Variants in ADAMTS14 observed in about 807,000 individuals in gnomAD.
ADAMTS14 encodes the protein ADAM metallopeptidase with thrombospondin type 1 motif 14, also known as A disintegrin and metalloproteinase with thrombospondin motifs 14.
A neutral mutation model predicts 128.6 loss-of-function variants in ADAMTS14; 100 were observed. That is an observed-to-expected ratio of 0.78 (90% CI 0.66 to 0.92). The LOEUF is 0.92. ADAMTS14 is among the 40% of genes least tolerant of loss of function. The probability of loss-of-function intolerance (pLI) is 0.00; values close to 1 mark genes in which losing one functional copy is unlikely to be tolerated. For missense variants in ADAMTS14, 1,562 were observed against 1,658.6 expected (o/e 0.94, Z 1.01); for synonymous variants, 665 against 653.8 (o/e 1.02, Z -0.26).
chr10:70,708,842 C>CTGGGCCCCAGTGCTGATCCAAG (rs1840751561), intron 4 of ADAMTS14, 64 bp downstream of exon 4: 1 of 1,277,210 alleles, frequency 7.8e-7, no homozygotes, highest in Non-Finnish European at 1.1e-6. Context: ...CCCCACCCCA[C>CTGGGCCCCAGTGCTGATCCAAG]TGGGCCCCAG....
chr10:70,745,347 G>C (rs941445861), intron 15 of ADAMTS14, 41 bp downstream of exon 15: 1 of 1,605,116 alleles, frequency 6.2e-7, no homozygotes, highest in Admixed American at 1.7e-5. Context: ...AGGGCCCCAG[G>C]CCCTGCCCTC....
intron 18 of ADAMTS14, among the ~76,000 whole-genome samples, chr10:70,753,405 C>T (rs1842401832): frequency 6.6e-6 from 1 of 152,200 alleles, no homozygotes; most frequent in Admixed American, 6.5e-5. Flanking sequence ...GTGGTTTGAT[C>T]TGTTTTGTGC....
At chr10:70,747,475 G>T (rs976999856) in intron 15 of ADAMTS14, among the ~76,000 whole-genome samples, 53 of 152,144 alleles carry the variant, frequency 3.5e-4, no homozygotes, top group Non-Finnish European at 7.2e-4. Context: ...GGAATTAGGG[G>T]CCGGGGGAGG....
intron 4 of ADAMTS14, 55 bp downstream of exon 4, chr10:70,708,833 C>A: frequency 7.9e-7 from 1 of 1,262,644 alleles, no homozygotes; most frequent in South Asian, 1.8e-5. Flanking sequence ...TGGGCCCCAC[C>A]CCACCCCACT....
intron 15 of ADAMTS14, among the ~76,000 whole-genome samples, chr10:70,747,377 G>A (rs910990261): frequency 2.1e-4 from 32 of 152,068 alleles, no homozygotes; most frequent in African/African-American, 7.5e-4. Flanking sequence ...TGCCAGCCAT[G>A]CCACTCTACC....
chr10:70,754,974 A>T (rs1460590143), intron 19 of ADAMTS14, among the ~76,000 whole-genome samples: 1 of 152,206 alleles, frequency 6.6e-6, no homozygotes, highest in Non-Finnish European at 1.5e-5. Context: ...AACATTGAGA[A>T]CATCATGCCA....
chr10:70,750,497 A>T (rs1248715657), intron 16 of ADAMTS14, among the ~76,000 whole-genome samples: 1 of 152,184 alleles, frequency 6.6e-6, no homozygotes, highest in East Asian at 1.9e-4. Context: ...AACCCAGCAG[A>T]CGAGACCATT....
intron 19 of ADAMTS14, among the ~76,000 whole-genome samples, chr10:70,754,855 C>A (rs12355700): frequency 0.069 from 10,438 of 152,172 alleles, 521 homozygotes; most frequent in Middle Eastern, 0.12. Context: ...ATAGCAGTAG[C>A]GCTGCTTAGT....
intron 4 of ADAMTS14, 41 bp downstream of exon 4, chr10:70,708,819 G>T: frequency 7.5e-7 from 1 of 1,336,816 alleles, no homozygotes; most frequent in Non-Finnish European, 1.0e-6. Flanking sequence ...GGAGTGGGGT[G>T]GGGTGGGCCC....
At position 70,744,171 on chromosome 10, in the gene ADAMTS14, A is replaced by G; in HGVS notation, c.2164A>G (p.Lys722Glu). The G allele has an allele frequency of 1.3e-6, 2 of 1,538,240 alleles. No individual in the cohort carries two copies. Among genetic ancestry groups the G allele is most frequent in the Non-Finnish European group, 1.8e-6 (2 of 1,137,358 alleles). ...HCRTVKGTLG[K>E]ASKQAGALKL... ...CAGGACTGTGAAGGGGACGCTGGGC[A>G]AGGCCTCCAAGCAGGCAGGTGAGCC... is the stretch of plus-strand genomic sequence containing the variant. The change falls in exon 14 of 22, where the codon AAG becomes GAG. Residue 722 changes from lysine (K) to glutamate (E), a missense_variant. By Grantham distance (56) the Lys-to-Glu change is moderately conservative (BLOSUM62 1). Transcript: ENST00000373207.
intron 2 of ADAMTS14, among the ~76,000 whole-genome samples, chr10:70,700,926 A>G (rs755060615): frequency 2.0e-5 from 3 of 152,218 alleles, no homozygotes; most frequent in Admixed American, 1.3e-4. Flanking sequence ...GCACACCAGA[A>G]CTTTTGCAGA....
chr10:70,742,857 A>G (rs1842044657), intron 12 of ADAMTS14, among the ~76,000 whole-genome samples: 1 of 152,368 alleles, frequency 6.6e-6, no homozygotes, highest in East Asian at 1.9e-4. Context: ...TAGGACCAGA[A>G]AGGACTCTCT....
At chr10:70,733,530 C>T (rs977641760) in intron 7 of ADAMTS14, among the ~76,000 whole-genome samples, 3 of 152,156 alleles carry the variant, frequency 2.0e-5, no homozygotes, top group South Asian at 2.1e-4. Context: ...ATAGATGGCT[C>T]CTGCTGTGGA....
chr10:70,681,415 C>G (rs146348494), intron 2 of ADAMTS14, among the ~76,000 whole-genome samples: 1 of 152,124 alleles, frequency 6.6e-6, no homozygotes, highest in African/African-American at 2.4e-5. Context: ...TTCAGCTCTC[C>G]GTGGGAGAGG....
rs1024842571 is a variant in ADAMTS14, at chr10:70,760,454, G to A, written c.3273G>A (p.Val1091=). 3 of 1,613,846 alleles carry A rather than the reference G, an allele frequency of 1.9e-6. No homozygotes were observed. Among genetic ancestry groups the A allele is most frequent in the Non-Finnish European group, 2.5e-6 (3 of 1,179,986 alleles). ...SIPGYHRLCC[V]SCIKKASGPN... is the part of the protein sequence containing the mutation. ...CCGGCTACCACCGGCTCTGCTGTGTGTCCTGCATCAAGAAGGCCTCGGGCC... is the reference window on the plus strand; with the variant it reads ...CCGGCTACCACCGGCTCTGCTGTGTATCCTGCATCAAGAAGGCCTCGGGCC... Residue 1091 remains valine, a synonymous_variant, in exon 22 of 22, where the codon GTG becomes GTA. Transcript: ENST00000373207.
intron 2 of ADAMTS14, among the ~76,000 whole-genome samples, chr10:70,685,244 A>C (rs1257571598): frequency 6.6e-6 from 1 of 152,162 alleles, no homozygotes; most frequent in Non-Finnish European, 1.5e-5. Context: ...CAGGCACTGC[A>C]GTGGAAAGTT....
In ADAMTS14 at chr10:70,702,368, C is replaced by T. The variant is rs778052718; in HGVS notation, c.579C>T (p.Gly193=). 1 of 1,614,138 alleles carries T rather than the reference C, an allele frequency of 6.2e-7. No homozygotes were observed. Among genetic ancestry groups the T allele is most frequent in the Admixed American group, 1.7e-5 (1 of 60,020 alleles). Residue 193 remains glycine (G), a synonymous_variant, in exon 3 of 22, where the codon GGC becomes GGT. Transcript: ENST00000373207. ...TCTTCATTGAGCCTCTGGAGCGGGG[C>T]CAGCAGGAGAAGGAGGCCAGCGGGA... ...TDFFIEPLER[G]QQEKEASGRT...
chr10:70,753,837 T>G lies in ADAMTS14; in HGVS notation c.2767T>G (p.Cys923Gly), dbSNP rs758971184. Residue 923 changes from cysteine (C) to glycine (G), a missense_variant, in exon 19 of 22, where the codon TGT becomes GGT. Cys to Gly is a radical substitution (Grantham distance 159). Transcript: ENST00000373207. Reference sequence around the variant, plus strand: ...GGAGTGGGGTGCCTGCAGCCGGAGCTGTGGGAAGCTGGGGGTGCAGACACG... The same window carrying G: ...GGAGTGGGGTGCCTGCAGCCGGAGCGGTGGGAAGCTGGGGGTGCAGACACG... ...TEEWGACSRS[C>G]GKLGVQTRGI... 3.8e-6 allele frequency: 6 copies of G among 1,592,170 alleles called. No individual in the cohort carries two copies. In the South Asian group the frequency reaches 6.9e-5, roughly 18 times the overall value.
Position 70,743,621 on chromosome 10 carries a change from C to T in ADAMTS14, c.1998C>T (p.His666=), listed in dbSNP as rs771694957. The T allele has an allele frequency of 7.4e-6, 12 of 1,612,342 alleles. No homozygotes were observed. The Admixed American group carries it at 8.4e-5, about 11-fold the overall frequency. ...TGGTGTTCATGAACCAGGTGGTTCACGATGGGACACGCTGCAGCTACCGGG... is the reference window on the plus strand; with the variant it reads ...TGGTGTTCATGAACCAGGTGGTTCATGATGGGACACGCTGCAGCTACCGGG... ...GDVVFMNQVV[H]DGTRCSYRDP... The change falls in exon 13 of 22, where the codon CAC becomes CAT. Residue 666 remains histidine (H), a synonymous_variant. Transcript: ENST00000373207.
Sources: allele counts gnomAD v4.1 joint callset (sites outside exome capture counted in the v4.1 genomes callset), GRCh38; gene constraint gnomAD v4.1.1; transcripts MANE v1.5; gene names NCBI Gene and HGNC (gene_info 2026-07-23, HGNC 2026-07-21).